ALG6: variants seen among roughly 807,000 people sequenced by gnomAD.
The protein encoded by ALG6 is dolichyl pyrophosphate Man9GlcNAc2 alpha-1,3-glucosyltransferase.
A neutral mutation model predicts 66.6 loss-of-function variants in ALG6; 46 were observed. The observed-to-expected ratio is 0.69, with a 90% CI of 0.55 to 0.88. The LOEUF is 0.88. Ranked by LOEUF, ALG6 falls within the 40% of genes least tolerant of loss-of-function variation. The pLI, the probability that ALG6 is intolerant of heterozygous loss-of-function variation, is 0.00. For missense variants in ALG6, 505 were observed against 586.8 expected (o/e 0.86, Z 1.44); for synonymous variants, 185 against 203.7 (o/e 0.91, Z 0.78).
chr1:63,388,520 A>G (rs1479960243), intron 2 of ALG6, among the ~76,000 whole-genome samples: 1 of 152,142 alleles, frequency 6.6e-6, no homozygotes, highest in African/African-American at 2.4e-5. Flanking sequence ...TATTGTTTCT[A>G]TTTATATTTT....
intron 1 of ALG6, among the ~76,000 whole-genome samples, chr1:63,367,990 C>T (rs1647780481): frequency 6.6e-6 from 1 of 152,154 alleles, no homozygotes; most frequent in Non-Finnish European, 1.5e-5. Context: ...GGATCCCTTT[C>T]GCCCCATATA....
chr1:63,382,835 C>G (rs1450626033), intron 2 of ALG6, among the ~76,000 whole-genome samples: 1 of 151,908 alleles, frequency 6.6e-6, no homozygotes, highest in East Asian at 1.9e-4. Flanking sequence ...GCCACCACAC[C>G]CAGCTCATTT....
chr1:63,381,475 A>G (rs1337671340), intron 2 of ALG6, among the ~76,000 whole-genome samples: 6 of 151,728 alleles, frequency 4.0e-5, no homozygotes, highest in East Asian at 3.9e-4. Flanking sequence ...AAATACAAAA[A>G]CAAAAACAAA....
intron 2 of ALG6, among the ~76,000 whole-genome samples, chr1:63,380,177 A>G (rs1357296435): frequency 6.6e-6 from 1 of 152,200 alleles, no homozygotes; most frequent in Non-Finnish European, 1.5e-5. Context: ...TTACAAAATG[A>G]GGACCGGCCA....
intron 2 of ALG6, among the ~76,000 whole-genome samples, chr1:63,390,397 A>G (rs994802083): frequency 6.6e-6 from 1 of 152,076 alleles, no homozygotes; most frequent in Non-Finnish European, 1.5e-5. Context: ...TTGCAAGACA[A>G]AGTCCTCTTT....
intron 12 of ALG6, among the ~76,000 whole-genome samples, chr1:63,422,366 AATAT>A (rs1353429077): frequency 1.9e-5 from 2 of 104,002 alleles, no homozygotes; most frequent in Non-Finnish European, 1.8e-5. Flanking sequence ...TATAAATATA[AATAT>A]ATATAAGTAT....
intron 14 of ALG6, 31 bp downstream of exon 14, chr1:63,429,157 T>C: frequency 2.7e-6 from 4 of 1,471,320 alleles, no homozygotes; most frequent in Non-Finnish European, 3.8e-6. Context: ...ATGACACATT[T>C]TTCAGCATGT....
At chr1:63,381,546 G>C (rs1221734734) in intron 2 of ALG6, among the ~76,000 whole-genome samples, 1 of 152,074 alleles carries the variant, frequency 6.6e-6, no homozygotes, top group Non-Finnish European at 1.5e-5. Context: ...GATAGTGGGG[G>C]CTGAGGGGGG....
At chr1:63,422,166 A>AATATATATTTATAT (rs1644579222) in intron 12 of ALG6, among the ~76,000 whole-genome samples, 1 of 102,018 alleles carries the variant, frequency 9.8e-6, no homozygotes, top group Non-Finnish European at 2.0e-5. Flanking sequence ...TATATATATA[A>AATATATATTTATAT]CTATGAATTT....
chr1:63,402,460 A>ATTTTTTTT (rs760751565), intron 4 of ALG6, 117 bp downstream of exon 4: 8 of 262,790 alleles, frequency 3.0e-5, no homozygotes, highest in East Asian at 8.7e-5. Context: ...CTGCTATTGT[A>ATTTTTTTT]TTTTTTTTTT....
chr1:63,384,925 G>A (rs1388283982), intron 2 of ALG6, among the ~76,000 whole-genome samples: 1 of 152,032 alleles, frequency 6.6e-6, no homozygotes, highest in Non-Finnish European at 1.5e-5. Flanking sequence ...CTCCAGTTTT[G>A]TTCTTTTTGC....
At chr1:63,414,372 C>T (rs1358895429) in intron 10 of ALG6, among the ~76,000 whole-genome samples, 1 of 151,946 alleles carries the variant, frequency 6.6e-6, no homozygotes, top group Admixed American at 6.6e-5. Context: ...CTGCCTCAGC[C>T]TCTGGAGTAG....
chr1:63,370,771 G>T lies in ALG6; in HGVS notation c.-207G>T. The T allele has an allele frequency of 1.7e-6, 1 of 590,684 alleles. No individual in the cohort carries two copies. The highest frequency in any genetic ancestry group is 3.0e-6 in the Non-Finnish European group (1 of 331,070). 36.6% of individuals were successfully genotyped at this position (590,684 alleles called of 1,614,324 possible). ...TTGATATCTTTTTTTTTCCCCTTAG[G>T]ATACTTCTACATAGACATAATCAAG... is the stretch of plus-strand genomic sequence containing the variant. On this transcript the variant is annotated splice_region_variant and 5_prime_UTR_variant, in exon 2 of 15. Transcript: ENST00000263440.
At chr1:63,369,704 A>C (rs548988439) in intron 1 of ALG6, among the ~76,000 whole-genome samples, 4 of 152,282 alleles carry the variant, frequency 2.6e-5, no homozygotes, top group African/African-American at 9.6e-5. Flanking sequence ...TTTTGCCCTA[A>C]ATTTTTTAGT....
At chr1:63,411,895 A>G (rs1462630231) in intron 8 of ALG6, 31 bp from the exon 9 acceptor site, 3 of 1,613,642 alleles carry the variant, frequency 1.9e-6, no homozygotes, top group East Asian at 2.2e-5. Flanking sequence ...ACCTTTCCCT[A>G]TCTTACTGCC....
At chr1:63,386,019 C>T (rs1175957405) in intron 2 of ALG6, among the ~76,000 whole-genome samples, 1 of 151,994 alleles carries the variant, frequency 6.6e-6, no homozygotes, top group African/African-American at 2.4e-5. Flanking sequence ...GGGTTTGTGT[C>T]AGGAAGGGGT....
chr1:63,414,049 A>ATCT lies in ALG6; in HGVS notation c.817-11_817-9dup. The ATCT allele has an allele frequency of 6.3e-7, 1 of 1,584,596 alleles. No individual in the cohort carries two copies. Among genetic ancestry groups the ATCT allele is most frequent in the Non-Finnish European group, 8.7e-7 (1 of 1,153,714 alleles). ...TTATACCAGAATGTAAAGCTAACAAATCTCTTTTAAGGATAAAGTAGCCAA... is the reference window on the plus strand; with the variant it reads ...TTATACCAGAATGTAAAGCTAACAAATCTTCTCTTTTAAGGATAAAGTAGCCAA... On this transcript the variant is annotated splice_polypyrimidine_tract_variant and intron_variant, in intron 9 of 14. Transcript: ENST00000263440.
intron 12 of ALG6, among the ~76,000 whole-genome samples, chr1:63,426,058 A>T (rs1644613678): frequency 6.6e-6 from 1 of 152,174 alleles, no homozygotes; most frequent in African/African-American, 2.4e-5. Context: ...GAGAGGGAAG[A>T]TCTATGTATA....
At chr1:63,430,715 A>G (rs1390107556) in intron 14 of ALG6, among the ~76,000 whole-genome samples, 4 of 152,130 alleles carry the variant, frequency 2.6e-5, no homozygotes, top group Non-Finnish European at 5.9e-5. Flanking sequence ...GCCTATTCAA[A>G]TCCTTTGCCC....
Sources: gnomAD v4.1 joint callset for allele counts (sites outside exome capture counted in the v4.1 genomes callset) on GRCh38, gnomAD v4.1.1 for gene constraint, MANE v1.5 for transcripts, NCBI Gene and HGNC (gene_info 2026-07-23, HGNC 2026-07-21) for gene names.